Variants in GRM7 observed in about 807,000 individuals in gnomAD.
GRM7 encodes the protein glutamate metabotropic receptor 7, also known as metabotropic glutamate receptor 7.
GRM7 carries 35 observed loss-of-function variants against 84.5 expected under a neutral mutation model. That is an observed-to-expected ratio of 0.41 (90% CI 0.32 to 0.55). The LOEUF (loss-of-function observed/expected upper bound fraction) is 0.55. Among genes scored for constraint, GRM7 ranks in the 20% least tolerant of loss-of-function variants. The pLI is 0.19. For synonymous variants in GRM7, 487 were observed against 455.1 expected, an observed-to-expected ratio of 1.07 and a Z score of -0.89; for missense variants, 1,003 against 1,194.6, an observed-to-expected ratio of 0.84 and a Z score of 2.36.
intron 1 of GRM7, 57 bp from the exon 2 acceptor site, chr3:7,146,395 A>C: frequency 7.9e-7 from 1 of 1,269,864 alleles, no homozygotes; most frequent in South Asian, 1.2e-5. Flanking sequence ...ATAAGTATAA[A>C]TGAGTCTCTT....
intron 2 of GRM7, among the ~76,000 whole-genome samples, chr3:7,220,557 C>A (rs896304254): frequency 4.6e-5 from 7 of 152,194 alleles, no homozygotes; most frequent in African/African-American, 1.4e-4. Flanking sequence ...AGATCACTAA[C>A]TGTAACATTT....
chr3:7,402,383 C>G (rs1695489614), intron 4 of GRM7, among the ~76,000 whole-genome samples: 1 of 152,214 alleles, frequency 6.6e-6, no homozygotes, highest in Non-Finnish European at 1.5e-5. Flanking sequence ...TTTCCTATTA[C>G]TGCACCTAAT....
At chr3:7,415,366 C>A (rs1696118968) in intron 5 of GRM7, among the ~76,000 whole-genome samples, 2 of 152,152 alleles carry the variant, frequency 1.3e-5, no homozygotes, top group Non-Finnish European at 2.9e-5. Context: ...TTCTGCCTAT[C>A]TAGCAGTAAT....
chr3:7,327,323 A>C (rs1201889648), intron 4 of GRM7, among the ~76,000 whole-genome samples: 2 of 152,158 alleles, frequency 1.3e-5, no homozygotes, highest in Non-Finnish European at 2.9e-5. Flanking sequence ...TCATTCTACC[A>C]ATCTAAAATA....
chr3:7,496,278 T>G (rs1393046837), intron 7 of GRM7, among the ~76,000 whole-genome samples: 1 of 152,154 alleles, frequency 6.6e-6, no homozygotes, highest in Non-Finnish European at 1.5e-5. Context: ...TCATTATCAA[T>G]GGGGACAACT....
chr3:7,724,774 T>G (rs1702064678), intron 9 of GRM7, among the ~76,000 whole-genome samples: 1 of 152,176 alleles, frequency 6.6e-6, no homozygotes, highest in African/African-American at 2.4e-5. Flanking sequence ...TTTTTGTTTC[T>G]TTAGAGACAG....
At chr3:7,669,655 G>A (rs912490238) in intron 8 of GRM7, among the ~76,000 whole-genome samples, 1 of 152,180 alleles carries the variant, frequency 6.6e-6, no homozygotes, top group Non-Finnish European at 1.5e-5. Flanking sequence ...GAAGCCTGAC[G>A]ACAGGCCCTA....
chr3:6,957,901 CA>C (rs2125077774), intron 1 of GRM7, among the ~76,000 whole-genome samples: 1 of 152,238 alleles, frequency 6.6e-6, no homozygotes, highest in African/African-American at 2.4e-5. Flanking sequence ...ATGCATTTTA[CA>C]AAGATAAAGT....
intron 1 of GRM7, among the ~76,000 whole-genome samples, chr3:6,913,189 C>T (rs1175353062): frequency 6.6e-6 from 1 of 152,118 alleles, no homozygotes; most frequent in Non-Finnish European, 1.5e-5. Flanking sequence ...TGCCAGATCC[C>T]CATTTAGCAA....
intron 2 of GRM7, among the ~76,000 whole-genome samples, chr3:7,260,673 T>TGTGTGTGTGTG (rs138704668): frequency 9.7e-5 from 14 of 144,530 alleles, no homozygotes; most frequent in South Asian, 6.9e-4. Flanking sequence ...TTCTTTTGAA[T>TGTGTGTGTGTG]TGTGTGTGTG....
intron 2 of GRM7, among the ~76,000 whole-genome samples, chr3:7,241,268 G>T (rs569906485): frequency 2.6e-5 from 4 of 152,250 alleles, no homozygotes; most frequent in Admixed American, 2.0e-4. Context: ...GTGGATAAGG[G>T]TGTCTATATG....
intron 2 of GRM7, among the ~76,000 whole-genome samples, chr3:7,194,897 AG>A (rs1695829663): frequency 6.6e-6 from 1 of 152,174 alleles, no homozygotes; most frequent in African/African-American, 2.4e-5. Context: ...TGTCTTGCTC[AG>A]GGATTCTATG....
At chr3:6,901,636 A>AAAAAAAAAAT (rs1559317776) in intron 1 of GRM7, among the ~76,000 whole-genome samples, 8 of 140,454 alleles carry the variant, frequency 5.7e-5, no homozygotes, top group African/African-American at 2.1e-4. Context: ...AAAAAAAAAA[A>AAAAAAAAAAT]ATATGTAGAA....
chr3:7,085,659 G>T (rs945972580), intron 1 of GRM7, among the ~76,000 whole-genome samples: 2 of 152,102 alleles, frequency 1.3e-5, no homozygotes, highest in Non-Finnish European at 2.9e-5. Flanking sequence ...CAAAAGTTAA[G>T]AAGGAGTTGA....
intron 1 of GRM7, among the ~76,000 whole-genome samples, chr3:6,903,435 A>AT (rs1252813781): frequency 6.6e-6 from 1 of 152,132 alleles, no homozygotes; most frequent in Non-Finnish European, 1.5e-5. Flanking sequence ...TCATGATATA[A>AT]TTATAGTTTT....
chr3:7,661,557 C>T (rs1295412532), intron 8 of GRM7, among the ~76,000 whole-genome samples: 1 of 151,806 alleles, frequency 6.6e-6, no homozygotes, highest in Non-Finnish European at 1.5e-5. Context: ...CACTTTGGGA[C>T]GCCATGGCAG....
intron 7 of GRM7, among the ~76,000 whole-genome samples, chr3:7,532,029 T>G (rs1286067903): frequency 2.0e-5 from 3 of 152,148 alleles, no homozygotes; most frequent in Non-Finnish European, 4.4e-5. Context: ...GCTAGTATTT[T>G]TTTGAGGATT....
At chr3:7,270,337 T>C (rs1313522186) in intron 2 of GRM7, among the ~76,000 whole-genome samples, 1 of 152,212 alleles carries the variant, frequency 6.6e-6, no homozygotes, top group Admixed American at 6.5e-5. Flanking sequence ...AGACTGTAAC[T>C]TCATTGAGGA....
At chr3:7,467,168 A>G (rs764152667) in intron 7 of GRM7, among the ~76,000 whole-genome samples, 1 of 151,936 alleles carries the variant, frequency 6.6e-6, no homozygotes, top group Non-Finnish European at 1.5e-5. Flanking sequence ...GCTCACTGCA[A>G]CCTCCGCCTC....
Sources: gnomAD v4.1 joint callset for allele counts (sites outside exome capture counted in the v4.1 genomes callset) on GRCh38, gnomAD v4.1.1 for gene constraint, MANE v1.5 for transcripts, NCBI Gene and HGNC (gene_info 2026-07-23, HGNC 2026-07-21) for gene names.